MAP2K5: variants seen among roughly 807,000 people sequenced by gnomAD.
MAP2K5 encodes dual specificity mitogen-activated protein kinase kinase 5.
MAP2K5 carries 49 observed loss-of-function variants against 83.1 expected under a neutral mutation model. That is an observed-to-expected ratio of 0.59 (90% CI 0.47 to 0.75). The LOEUF (loss-of-function observed/expected upper bound fraction) is 0.75. MAP2K5 is among the 30% of genes least tolerant of loss of function. The pLI is 0.00. For synonymous variants in MAP2K5, 202 were observed against 191.8 expected (o/e 1.05, Z -0.44); for missense variants, 457 against 557.5 (o/e 0.82, Z 1.82).
At chr15:67,589,187 G>A (rs993155347) in intron 6 of MAP2K5, among the ~76,000 whole-genome samples, 4 of 152,032 alleles carry the variant, frequency 2.6e-5, no homozygotes, top group Non-Finnish European at 5.9e-5. Context: ...TTAGGTCACC[G>A]TGAACATGCA....
rs1282340951 is a variant in MAP2K5 at position 67,802,251 on chromosome 15, C to T, written c.1243-4395C>T. 1.3e-5 allele frequency among the ~76,000 whole-genome samples: 2 copies of T among 148,818 alleles called. No individual in the cohort carries two copies. The highest frequency in any genetic ancestry group is 5.2e-5 in the African/African-American group (2 of 38,214). The stretch of plus-strand genomic sequence containing the variant: ...ACTAAAGCCCAGGTGGAGGAGGGAG[C>T]GGTGAGCAACCACAATTCATCTTCA... On this transcript the variant is annotated intron_variant, in intron 21 of 21. Transcript: ENST00000178640. The surrounding 1 kb of genome is among the most constrained non-coding windows in gnomAD (Gnocchi z 5.0).
In MAP2K5 at chr15:67,764,299, C is replaced by T. The variant is rs2141293490; in HGVS notation, c.1135-5303C>T. Among the ~76,000 whole-genome samples the T allele has an allele frequency of 6.6e-6, 1 of 152,314 alleles. No homozygotes were observed. On this transcript the variant is annotated intron_variant, in intron 19 of 21. Coordinates refer to ENST00000178640, the MANE Select transcript of MAP2K5 (RefSeq NM_145160.3). This position sits in a 1 kb window ranked among gnomAD's most constrained non-coding sequence, Gnocchi z 4.9. ...GGAACAGGACCCAGACTACAACATT[C>T]AAGGTCCCTCCCACCCTCAGGTGCT...
intron 17 of MAP2K5, among the ~76,000 whole-genome samples, chr15:67,732,129 A>G (rs867641635): frequency 5.3e-5 from 8 of 152,360 alleles, no homozygotes; most frequent in African/African-American, 1.4e-4. Flanking sequence ...AATTTCTGGA[A>G]CAATTTAGCT....
intron 8 of MAP2K5, among the ~76,000 whole-genome samples, chr15:67,604,921 A>C (rs1054055718): frequency 1.3e-5 from 2 of 152,102 alleles, no homozygotes; most frequent in Non-Finnish European, 2.9e-5. Context: ...TTGTGAGGTT[A>C]AATGAGAAGA....
chr15:67,747,919 A>G lies in MAP2K5; in HGVS notation c.1075-312A>G, dbSNP rs2141273243. Among the ~76,000 whole-genome samples the G allele has an allele frequency of 6.6e-6, 1 of 152,358 alleles. No individual in the cohort carries two copies. The highest frequency in any genetic ancestry group is 2.1e-4 in the South Asian group (1 of 4,824). On this transcript the variant is annotated intron_variant, in intron 17 of 21. Transcript: ENST00000178640. This position sits in a 1 kb window ranked among gnomAD's most constrained non-coding sequence, Gnocchi z 4.1. ...TTGCAACATTAAGCCCAGTGTTCAC[A>G]ATCTAGCAATATAAAACATTATTTA...
Position 67,782,645 on chromosome 15 carries a change from T to C in MAP2K5, c.1242+9893T>C, listed in dbSNP as rs551810718. Among the ~76,000 whole-genome samples, 8 of 152,338 alleles carry C rather than the reference T, an allele frequency of 5.3e-5. No individual in the cohort carries two copies. Among genetic ancestry groups the C allele is most frequent in the African/African-American group, 1.7e-4 (7 of 41,578 alleles). On this transcript the variant is annotated intron_variant, in intron 21 of 21. Coordinates refer to ENST00000178640, the MANE Select transcript of MAP2K5 (RefSeq NM_145160.3). This position sits in a 1 kb window ranked among gnomAD's most constrained non-coding sequence, Gnocchi z 4.9. ...GACAGGAATTTAAATTTTGTTTCAA[T>C]CAACCCCTGTGCTCACAGCCTGCTC... is the stretch of plus-strand genomic sequence containing the variant.
chr15:67,741,130 G>A (rs534490113), intron 17 of MAP2K5, among the ~76,000 whole-genome samples: 4 of 151,976 alleles, frequency 2.6e-5, no homozygotes, highest in East Asian at 1.9e-4. Context: ...CCGTCAATCC[G>A]AGGTCTGTGT....
chr15:67,774,926 AG>A lies in MAP2K5; in HGVS notation c.1242+2175del, dbSNP rs1359097447. ...TTCCAAATCAAAGAAAGAAAATTAG[AG>A]ATGGGCAGCTGGAAATACTGGAAGT... is the stretch of plus-strand genomic sequence containing the variant. On this transcript the variant is annotated intron_variant, in intron 21 of 21. Coordinates refer to ENST00000178640, the MANE Select transcript of MAP2K5 (RefSeq NM_145160.3). The surrounding 1 kb of genome is among the most constrained non-coding windows in gnomAD (Gnocchi z 4.9). 6.6e-6 allele frequency among the ~76,000 whole-genome samples: 1 copy of A among 152,228 alleles called. No homozygotes were observed.
chr15:67,663,324 T>C (rs1456886920), intron 12 of MAP2K5, among the ~76,000 whole-genome samples: 1 of 152,204 alleles, frequency 6.6e-6, no homozygotes, highest in Non-Finnish European at 1.5e-5. Flanking sequence ...TCTAGGATTA[T>C]TCATTGCATT....
rs553219831 is a variant in MAP2K5, at chr15:67,543,949, C to T, written c.135+479C>T. 3.3e-5 allele frequency among the ~76,000 whole-genome samples: 5 copies of T among 152,252 alleles called. No homozygotes were observed. Among genetic ancestry groups the T allele is most frequent in the African/African-American group, 9.6e-5 (4 of 41,468 alleles). On this transcript the variant is annotated intron_variant, in intron 1 of 21. Transcript: ENST00000178640. The surrounding 1 kb of genome is among the most constrained non-coding windows in gnomAD (Gnocchi z 4.3). ...ATTTTGAGACAGGGCCTCACTCTGT[C>T]GCTCAGGCTGCAGTGCTGTGGCACG... is the stretch of plus-strand genomic sequence containing the variant.
chr15:67,549,762 C>CGG (rs1180882950), intron 1 of MAP2K5, among the ~76,000 whole-genome samples: 2 of 151,936 alleles, frequency 1.3e-5, no homozygotes, highest in African/African-American at 4.8e-5. Context: ...AAATACATGA[C>CGG]GGTTTATTTG....
chr15:67,712,946 A>G (rs2088730574), intron 16 of MAP2K5, among the ~76,000 whole-genome samples: 1 of 152,154 alleles, frequency 6.6e-6, no homozygotes, highest in Non-Finnish European at 1.5e-5. Context: ...CATGAAGTTC[A>G]TGACAACTTC....
chr15:67,585,911 G>A lies in MAP2K5; in HGVS notation c.344G>A (p.Arg115Gln), dbSNP rs748713473. 5.0e-6 allele frequency: 8 copies of A among 1,613,850 alleles called. No individual in the cohort carries two copies. Among genetic ancestry groups the A allele is most frequent in the Admixed American group, 1.7e-5 (1 of 60,028 alleles). ...TCAGCCTGCAAGCCTCCTGGGGAAC[G>A]GAACATACATGGCCTGAAGGTACGA... ...FPRACKPPGE[R>Q]NIHGLKVNTR... is the part of the protein sequence containing the mutation. Residue 115 changes from arginine to glutamine, a missense_variant, in exon 5 of 22, where the codon CGG (arginine) becomes CAG (glutamine). Physicochemically the swap from Arg to Gln is conservative, Grantham distance 43 (BLOSUM62 1). This residue lies in a region of MAP2K5 where 234 missense variants were observed against 243.6 expected (regional missense o/e 0.96). Coordinates refer to ENST00000178640, the MANE Select transcript of MAP2K5 (RefSeq NM_145160.3).
chr15:67,641,982 G>T lies in MAP2K5; in HGVS notation c.586-4249G>T, dbSNP rs560901984. Among the ~76,000 whole-genome samples, 49 of 152,204 alleles carry T rather than the reference G, an allele frequency of 3.2e-4. 1 individual carries two copies. The highest frequency in any genetic ancestry group is 6.0e-4 in the Non-Finnish European group (41 of 67,996). On this transcript the variant is annotated intron_variant, in intron 9 of 21. Transcript: ENST00000178640. ...TTTGAATAGAGTTATTTTAAGGTGG[G>T]TTCTACTTTCCCTCTCAAGTTCTCA...
In MAP2K5 at chr15:67,592,975, G is replaced by A. The variant is rs1370699772; in HGVS notation, c.480+1G>A. 2 of 1,588,534 alleles carry A rather than the reference G, an allele frequency of 1.3e-6. No homozygotes were observed. The highest frequency in any genetic ancestry group is 1.1e-5 in the South Asian group (1 of 88,766). ...GAAAAAAATACTAGCCAATGGCCAG[G>A]TAGGTATTATTATATATTAAGATTT... On this transcript the variant is annotated splice_donor_variant, in intron 7 of 21. Coordinates refer to ENST00000178640, the MANE Select transcript of MAP2K5 (RefSeq NM_145160.3). LOFTEE classifies it high-confidence loss of function.
At chr15:67,656,964 A>G (rs1257861542) in intron 11 of MAP2K5, among the ~76,000 whole-genome samples, 2 of 152,216 alleles carry the variant, frequency 1.3e-5, no homozygotes, top group Admixed American at 1.3e-4. Context: ...TCCTGAGTGG[A>G]TCTGCTACAT....
intron 6 of MAP2K5, among the ~76,000 whole-genome samples, chr15:67,591,277 G>A (rs1363455767): frequency 6.6e-6 from 1 of 151,568 alleles, no homozygotes; most frequent in Non-Finnish European, 1.5e-5. Context: ...CCCAGGAGGC[G>A]GAGGTTGCAG....
intron 8 of MAP2K5, among the ~76,000 whole-genome samples, chr15:67,605,416 A>T (rs182395447): frequency 6.6e-6 from 1 of 152,288 alleles, no homozygotes; most frequent in Admixed American, 6.5e-5. Context: ...TAACTTTGAG[A>T]AATTCTGCCT....
intron 9 of MAP2K5, among the ~76,000 whole-genome samples, chr15:67,643,741 G>A (rs1026120866): frequency 2.0e-5 from 3 of 152,006 alleles, no homozygotes; most frequent in Non-Finnish European, 2.9e-5. Context: ...GAGCCACCGC[G>A]CCCAGCTGCA....
Sources: allele counts gnomAD v4.1 joint callset (sites outside exome capture counted in the v4.1 genomes callset), GRCh38; gene constraint gnomAD v4.1.1; regional missense constraint gnomAD v4.1.1; non-coding constraint Gnocchi (gnomAD v3.1); transcripts MANE v1.5; gene names NCBI Gene and HGNC (gene_info 2026-07-23, HGNC 2026-07-21).